DSCAM: variants seen among roughly 807,000 people sequenced by gnomAD.
DSCAM encodes cell adhesion molecule DSCAM.
In DSCAM, 47 loss-of-function variants were observed where a neutral mutation model predicts 217.7. The observed-to-expected ratio is 0.22, with a 90% CI of 0.17 to 0.28. The LOEUF (loss-of-function observed/expected upper bound fraction) is 0.28. Ranked by LOEUF, DSCAM falls within the 10% of genes least tolerant of loss-of-function variation. DSCAM has a pLI of 1.00. For synonymous variants in DSCAM, 1,056 were observed against 1,015.3 expected (o/e 1.04, Z -0.76); for missense variants, 2,080 against 2,618.3 (o/e 0.79, Z 4.49).
rs56714391 is a variant in DSCAM, at chr21:40,106,900, AT to A, written c.3697-13027del. 9.5e-3 allele frequency among the ~76,000 whole-genome samples: 1,378 copies of A among 145,406 alleles called. 12 individuals are homozygous for A. The highest frequency in any genetic ancestry group is 0.028 in the Middle Eastern group (8 of 282). On this transcript the variant is annotated intron_variant, in intron 20 of 32. Transcript: ENST00000400454. Reference sequence around the variant, plus strand: ...TCCTAGCTAGTGGTCTATCTATTTTATTTTTTTTTTCAAAAAACTAGCTCCT... The same window carrying A: ...TCCTAGCTAGTGGTCTATCTATTTTATTTTTTTTTCAAAAAACTAGCTCCT...
intron 26 of DSCAM, 88 bp from the exon 27 acceptor site, chr21:40,075,301 G>T: frequency 7.0e-7 from 1 of 1,433,696 alleles, no homozygotes; most frequent in Non-Finnish European, 9.6e-7. Context: ...AAATCGCGCT[G>T]TGTGATCCAA....
At chr21:40,771,350 T>G (rs1020268438) in intron 1 of DSCAM, among the ~76,000 whole-genome samples, 1 of 152,186 alleles carries the variant, frequency 6.6e-6, no homozygotes, top group African/African-American at 2.4e-5. Flanking sequence ...TTGAAACGGA[T>G]GGAGGAGGGA....
At chr21:40,173,619 A>G (rs1001080343) in intron 15 of DSCAM, among the ~76,000 whole-genome samples, 2 of 152,100 alleles carry the variant, frequency 1.3e-5, no homozygotes, top group Admixed American at 1.3e-4. Flanking sequence ...CTCTGCACTA[A>G]TGAGCACTGC....
intron 11 of DSCAM, among the ~76,000 whole-genome samples, chr21:40,269,816 C>T (rs193111908): frequency 1.2e-3 from 189 of 152,302 alleles, no homozygotes; most frequent in African/African-American, 4.3e-3. Context: ...AGGGATCCGG[C>T]GGCCTACTTC....
intron 8 of DSCAM, among the ~76,000 whole-genome samples, chr21:40,317,763 C>A (rs903294738): frequency 1.3e-5 from 2 of 152,128 alleles, no homozygotes; most frequent in African/African-American, 2.4e-5. Context: ...GAACTCCTGA[C>A]CTCATGTGAT....
chr21:40,807,200 G>C (rs1341765843), intron 1 of DSCAM, among the ~76,000 whole-genome samples: 1 of 152,098 alleles, frequency 6.6e-6, no homozygotes, highest in Non-Finnish European at 1.5e-5. Context: ...TTTATTAGGG[G>C]TTTATTATTA....
intron 3 of DSCAM, among the ~76,000 whole-genome samples, chr21:40,370,381 A>G (rs1488143743): frequency 2.0e-5 from 3 of 152,180 alleles, no homozygotes; most frequent in Non-Finnish European, 4.4e-5. Context: ...ATTCCACTAG[A>G]AAGAATGTGA....
In DSCAM at chr21:40,535,858, G is replaced by C. The variant is rs146595865; in HGVS notation, c.508+156952C>G. On this transcript the variant is annotated intron_variant, in intron 3 of 32. Transcript: ENST00000400454. ...TGTCTAGGTCCAACCACACCTGAAA[G>C]TATTTAAAGCAGGACTTTGTCTCCT... 2.5e-4 allele frequency among the ~76,000 whole-genome samples: 38 copies of C among 152,348 alleles called. No individual in the cohort carries two copies. In the East Asian group the frequency reaches 6.8e-3, roughly 27 times the overall value.
At chr21:40,685,903 CA>C in intron 3 of DSCAM, among the ~76,000 whole-genome samples, 1 of 152,200 alleles carries the variant, frequency 6.6e-6, no homozygotes, top group East Asian at 1.9e-4. Flanking sequence ...CTAGAGAAAT[CA>C]CTGCATATCC....
chr21:40,424,625 C>T (rs1443100783), intron 3 of DSCAM, among the ~76,000 whole-genome samples: 1 of 151,996 alleles, frequency 6.6e-6, no homozygotes, highest in African/African-American at 2.4e-5. Context: ...TTATGGAATC[C>T]CCAGGAAGCT....
In DSCAM at chr21:40,487,556, C is replaced by T. The variant is rs536053320; in HGVS notation, c.509-118311G>A. On this transcript the variant is annotated intron_variant, in intron 3 of 32. Coordinates refer to ENST00000400454, the MANE Select transcript of DSCAM (RefSeq NM_001389.5). ...TTCATGCTGAGAGTAATCAGAGCTA[C>T]TCAACCATTTCCAGCAGAGGGATAC... 5.9e-5 allele frequency among the ~76,000 whole-genome samples: 9 copies of T among 152,188 alleles called. No individual in the cohort carries two copies. In the South Asian group the frequency reaches 8.3e-4, roughly 14 times the overall value.
At chr21:40,673,722 G>A (rs1191081483) in intron 3 of DSCAM, among the ~76,000 whole-genome samples, 1 of 152,048 alleles carries the variant, frequency 6.6e-6, no homozygotes, top group East Asian at 1.9e-4. Flanking sequence ...CATGGGACCT[G>A]GTTGTTTAAA....
At chr21:40,197,421 C>T (rs2091024353) in intron 11 of DSCAM, among the ~76,000 whole-genome samples, 1 of 152,152 alleles carries the variant, frequency 6.6e-6, no homozygotes, top group Admixed American at 6.5e-5. Context: ...CCCAGCCTCT[C>T]CTTAATTTCT....
chr21:40,446,066 T>C (rs1168344353), intron 3 of DSCAM, among the ~76,000 whole-genome samples: 1 of 152,244 alleles, frequency 6.6e-6, no homozygotes, highest in African/African-American at 2.4e-5. Flanking sequence ...TTTAAGAGGA[T>C]ACGTTAGCTT....
chr21:40,114,193 T>C (rs1023174941), intron 20 of DSCAM, among the ~76,000 whole-genome samples: 14 of 144,970 alleles, frequency 9.7e-5, no homozygotes, highest in African/African-American at 3.2e-4. Context: ...CAAAACAGCA[T>C]GGTACTGGTA....
chr21:40,674,352 T>C (rs2090311866), intron 3 of DSCAM, among the ~76,000 whole-genome samples: 1 of 152,232 alleles, frequency 6.6e-6, no homozygotes, highest in African/African-American at 2.4e-5. Context: ...ATAATCTGCC[T>C]ATTCCTGGCT....
At chr21:40,256,811 T>C (rs540576610) in intron 11 of DSCAM, among the ~76,000 whole-genome samples, 4 of 152,198 alleles carry the variant, frequency 2.6e-5, no homozygotes, top group Non-Finnish European at 5.9e-5. Context: ...CACATACAAT[T>C]AACCATCACA....
At chr21:40,063,256 C>T (rs1033271987) in intron 27 of DSCAM, among the ~76,000 whole-genome samples, 15 of 151,916 alleles carry the variant, frequency 9.9e-5, no homozygotes, top group African/African-American at 2.4e-4. Flanking sequence ...TTGAACAAAC[C>T]CATGCTTTTT....
intron 11 of DSCAM, among the ~76,000 whole-genome samples, chr21:40,230,031 A>G (rs2091367750): frequency 6.6e-6 from 1 of 152,240 alleles, no homozygotes; most frequent in Non-Finnish European, 1.5e-5. Context: ...TAACTATTCT[A>G]ATAGATGCAC....
Sources: allele counts gnomAD v4.1 joint callset (sites outside exome capture counted in the v4.1 genomes callset), GRCh38; gene constraint gnomAD v4.1.1; transcripts MANE v1.5; gene names NCBI Gene and HGNC (gene_info 2026-07-23, HGNC 2026-07-21).